The following CFAP45 variants were observed in gnomAD, a reference collection of about 807,000 sequenced individuals.
CFAP45 encodes the protein cilia and flagella associated protein 45, also known as cilia- and flagella-associated protein 45.
Under a neutral mutation model 75.6 loss-of-function variants are expected in CFAP45, and 43 were observed. The ratio of observed to expected loss-of-function variants is 0.57; its 90% CI spans 0.45 to 0.73. The LOEUF (loss-of-function observed/expected upper bound fraction) is 0.73. Ranked by LOEUF, CFAP45 falls within the 30% of genes least tolerant of loss-of-function variation. The probability of loss-of-function intolerance (pLI) is 0.00; values close to 1 mark genes in which losing one functional copy is unlikely to be tolerated. For synonymous variants in CFAP45, 223 were observed against 244.6 expected, an observed-to-expected ratio of 0.91 and a Z score of 0.82; for missense variants, 689 against 701.5, an observed-to-expected ratio of 0.98 and a Z score of 0.20.
intron 1 of CFAP45, among the ~76,000 whole-genome samples, chr1:159,893,892 T>C (rs1268990990): frequency 2.7e-5 from 4 of 150,938 alleles, no homozygotes; most frequent in Admixed American, 2.0e-4. Context: ...TATACATGTA[T>C]ACAATAATAT....
intron 8 of CFAP45, among the ~76,000 whole-genome samples, chr1:159,880,298 C>T (rs1649520620): frequency 6.6e-6 from 1 of 152,198 alleles, no homozygotes; most frequent in South Asian, 2.1e-4. Context: ...GCATATGGCC[C>T]TCATCCCAAC....
rs1195120331 is a variant in CFAP45, at chr1:159,893,394, G to A, written c.4-89C>T. ...AACAATTCACCAGCCCATGCTGGGG[G>A]AGTGGGTGGGCATGTGAAAAAGAAA... On this transcript the variant is annotated intron_variant, in intron 1 of 11. Transcript: ENST00000368099. 6.3e-6 allele frequency: 8 copies of A among 1,277,892 alleles called. No homozygotes were observed. In the Admixed American group the frequency reaches 1.4e-4, roughly 22 times the overall value. The allele number at this position is 1,277,892 out of a possible 1,614,324, so 79.2% of individuals were successfully genotyped here. A position where few individuals can be genotyped will look rare whatever the true frequency, so the allele number is the denominator to read the frequency against.
At chr1:159,888,102 A>C in intron 4 of CFAP45, 91 bp from the exon 5 acceptor site, 1 of 1,442,132 alleles carries the variant, frequency 6.9e-7, no homozygotes, top group African/African-American at 1.4e-5. Context: ...ACCCAGTACA[A>C]TTTTGCCTTG....
rs747333973 is a variant in CFAP45 at position 159,886,608 on chromosome 1, C to G, written c.670G>C (p.Glu224Gln). The G allele has an allele frequency of 6.2e-7, 1 of 1,614,188 alleles. No homozygotes were observed. The highest frequency in any genetic ancestry group is 8.5e-7 in the Non-Finnish European group (1 of 1,180,014). Reference sequence around the variant, plus strand: ...ATCATCTGATCCAACCGCTTCTCTTCTGTGTCCAGTTCTTTTTGGATCTGC... The same window carrying G: ...ATCATCTGATCCAACCGCTTCTCTTGTGTGTCCAGTTCTTTTTGGATCTGC... ...KQQIQKELDT[E>Q]EKRLDQMMEV... The change falls in exon 6 of 12, where the codon GAA becomes CAA. Residue 224 changes from glutamate to glutamine, a missense_variant. Transcript: ENST00000368099.
intron 11 of CFAP45, 47 bp from the exon 12 acceptor site, chr1:159,872,610 C>A (rs773322799): frequency 1.3e-6 from 2 of 1,539,116 alleles, no homozygotes; most frequent in South Asian, 1.1e-5. Context: ...TTGGACCAGA[C>A]AGGAGGTGGG....
chr1:159,888,796 C>A (rs1469848439), intron 3 of CFAP45, among the ~76,000 whole-genome samples: 1 of 146,594 alleles, frequency 6.8e-6, no homozygotes, highest in Non-Finnish European at 1.5e-5. Flanking sequence ...CTCTGCCCCC[C>A]CACCAAGGAC....
chr1:159,872,939 C>T lies in CFAP45; in HGVS notation c.1577+5G>A, dbSNP rs370314260. On this transcript the variant is annotated splice_donor_5th_base_variant and intron_variant, in intron 11 of 11. Transcript: ENST00000368099. ...GATTTGGGAAAGGAGGAGATTCCAG[C>T]GCACCTCAGCTCTTCAAGCTTTTTC... 37 of 1,612,562 alleles carry T rather than the reference C, an allele frequency of 2.3e-5. No individual in the cohort carries two copies. The highest frequency in any genetic ancestry group is 6.7e-5 in the African/African-American group (5 of 74,890).
At chr1:159,873,514 A>C (rs553925919) in intron 10 of CFAP45, 4 of 286,892 alleles carry the variant, frequency 1.4e-5, no homozygotes, top group African/African-American at 2.1e-5. Context: ...TCTGTCACCC[A>C]GGCTGGAATG....
chr1:159,876,569 C>T lies in CFAP45; in HGVS notation c.1339G>A (p.Glu447Lys), dbSNP rs777027378. ...VQVQRDRDEFERILRAQREQI... is the reference protein window; with the variant it reads ...VQVQRDRDEFKRILRAQREQI... Reference sequence around the variant, plus strand: ...GGCCCCTCCTACCGAAGAATCCTCTCGAACTCATCCCGGTCCCGTTGCACC... The same window carrying T: ...GGCCCCTCCTACCGAAGAATCCTCTTGAACTCATCCCGGTCCCGTTGCACC... The change falls in exon 10 of 12, where the codon GAG (glutamate) becomes AAG (lysine). Residue 447 changes from glutamate (E) to lysine (K), a missense_variant. Transcript: ENST00000368099. 5.6e-6 allele frequency: 9 copies of T among 1,613,380 alleles called. No individual in the cohort carries two copies. Among genetic ancestry groups the T allele is most frequent in the Non-Finnish European group, 6.8e-6 (8 of 1,179,354 alleles).
At chr1:159,885,971 G>T (rs545322305) in intron 6 of CFAP45, among the ~76,000 whole-genome samples, 1 of 152,214 alleles carries the variant, frequency 6.6e-6, no homozygotes, top group South Asian at 2.1e-4. Flanking sequence ...GCACAGAGTA[G>T]ATGGCAGGTA....
intron 1 of CFAP45, 152 bp from the exon 2 acceptor site, chr1:159,893,457 G>A: frequency 1.4e-6 from 1 of 718,722 alleles, no homozygotes; most frequent in Non-Finnish European, 2.4e-6. Context: ...CTGAACCATA[G>A]GGGACAAGGA....
intron 8 of CFAP45, among the ~76,000 whole-genome samples, chr1:159,878,824 C>T (rs1040540105): frequency 1.4e-5 from 2 of 146,160 alleles, no homozygotes; most frequent in Admixed American, 1.4e-4. Flanking sequence ...TTCTGTGAAG[C>T]CCAGTGAGTT....
intron 11 of CFAP45, 87 bp downstream of exon 11, chr1:159,872,857 C>A: frequency 1.5e-6 from 2 of 1,332,916 alleles, no homozygotes; most frequent in Non-Finnish European, 2.1e-6. Context: ...TGGCCCTTCA[C>A]CCCCAAATCC....
intron 1 of CFAP45, among the ~76,000 whole-genome samples, chr1:159,897,133 G>A (rs1489896581): frequency 5.3e-5 from 8 of 151,982 alleles, no homozygotes; most frequent in Non-Finnish European, 7.4e-5. Flanking sequence ...GCACGGTGGC[G>A]TACACCTATA....
At chr1:159,891,850 C>G (rs1172113356) in intron 2 of CFAP45, among the ~76,000 whole-genome samples, 1 of 152,190 alleles carries the variant, frequency 6.6e-6, no homozygotes, top group African/African-American at 2.4e-5. Context: ...GGACAAGAGA[C>G]AAGCATTTTT....
chr1:159,880,093 T>C (rs1490512356), intron 8 of CFAP45, among the ~76,000 whole-genome samples: 1 of 152,194 alleles, frequency 6.6e-6, no homozygotes, highest in Non-Finnish European at 1.5e-5. Context: ...CTCTGTCATA[T>C]AGGTTCTTTG....
At chr1:159,881,666 G>C (rs1031329821) in intron 7 of CFAP45, among the ~76,000 whole-genome samples, 1 of 152,194 alleles carries the variant, frequency 6.6e-6, no homozygotes, top group Non-Finnish European at 1.5e-5. Context: ...TAGACACAGG[G>C]AAACATTTGA....
At chr1:159,880,836 G>A in intron 7 of CFAP45, 136 bp from the exon 8 acceptor site, 4 of 721,868 alleles carry the variant, frequency 5.5e-6, no homozygotes, top group Middle Eastern at 2.8e-4. Flanking sequence ...ACTATCCTTT[G>A]TTAAAGCTGT....
intron 7 of CFAP45, among the ~76,000 whole-genome samples, chr1:159,882,142 G>A (rs1430069043): frequency 6.6e-6 from 1 of 152,166 alleles, no homozygotes; most frequent in African/African-American, 2.4e-5. Context: ...TCCATGTGGT[G>A]CGTGAGTCAC....
Sources: allele counts gnomAD v4.1 joint callset (sites outside exome capture counted in the v4.1 genomes callset), GRCh38; gene constraint gnomAD v4.1.1; transcripts MANE v1.5; gene names NCBI Gene and HGNC (gene_info 2026-07-23, HGNC 2026-07-21).